FGD6: variants seen among roughly 807,000 people sequenced by gnomAD.
FGD6 encodes FYVE, RhoGEF and PH domain containing 6, also known as FYVE, RhoGEF and PH domain-containing protein 6.
FGD6 carries 90 observed loss-of-function variants against 149.4 expected under a neutral mutation model. The ratio of observed to expected loss-of-function variants is 0.60; its 90% CI spans 0.51 to 0.72. The LOEUF is 0.72. FGD6 is among the 30% of genes least tolerant of loss of function. The probability of loss-of-function intolerance (pLI) is 0.00; values close to 1 mark genes in which losing one functional copy is unlikely to be tolerated. For synonymous variants in FGD6, 527 were observed against 584.0 expected (o/e 0.90, Z 1.41); for missense variants, 1,437 against 1,684.8 (o/e 0.85, Z 2.57).
chr12:95,108,285 C>T (rs913263234), intron 11 of FGD6, 63 bp downstream of exon 11: 2 of 1,392,578 alleles, frequency 1.4e-6, no homozygotes, highest in African/African-American at 2.9e-5. Flanking sequence ...AAATGATAAA[C>T]AGATACAGAT....
At chr12:95,116,604 T>C (rs12828276) in intron 8 of FGD6, among the ~76,000 whole-genome samples, 1 of 152,174 alleles carries the variant, frequency 6.6e-6, no homozygotes, top group Non-Finnish European at 1.5e-5. Flanking sequence ...ATGAACACAG[T>C]TGAAATACAC....
At chr12:95,160,439 G>A (rs1880605345) in intron 3 of FGD6, among the ~76,000 whole-genome samples, 1 of 152,144 alleles carries the variant, frequency 6.6e-6, no homozygotes, top group South Asian at 2.1e-4. Context: ...GGGCATGGTA[G>A]CCCCTACTCA....
chr12:95,150,061 CT>C (rs1880260597), intron 5 of FGD6, among the ~76,000 whole-genome samples: 1 of 147,360 alleles, frequency 6.8e-6, no homozygotes. Flanking sequence ...GAGTTTCGCT[CT>C]TGTTGCCCAG....
Position 95,080,107 on chromosome 12 carries a change from A to G in FGD6, c.*1413T>C, listed in dbSNP as rs1234071185. 1.3e-5 allele frequency: 2 copies of G among 152,038 alleles called. No individual in the cohort carries two copies. Among genetic ancestry groups the G allele is most frequent in the African/African-American group, 2.4e-5 (1 of 41,390 alleles). The allele number at this position is 152,038 out of a possible 1,614,324, so 9.4% of individuals were successfully genotyped here. On this transcript the variant is annotated 3_prime_UTR_variant, in exon 21 of 21. Coordinates refer to ENST00000343958, the MANE Select transcript of FGD6 (RefSeq NM_018351.4). ...GCTAGGACTACAGCCATGTACCACC[A>G]CGACCGGCTAATTCTTGTATTTTTA...
At chr12:95,196,786 C>T (rs913252250) in intron 2 of FGD6, among the ~76,000 whole-genome samples, 3 of 151,730 alleles carry the variant, frequency 2.0e-5, no homozygotes, top group Non-Finnish European at 2.9e-5. Context: ...ACTATAGGTA[C>T]ATGCCACCAT....
chr12:95,211,456 G>C (rs2056727086), intron 1 of FGD6, among the ~76,000 whole-genome samples, 189 bp from the exon 2 acceptor site: 1 of 151,622 alleles, frequency 6.6e-6, no homozygotes, highest in East Asian at 1.9e-4. Context: ...ACATAGCTTT[G>C]GGTCTATTGT....
At chr12:95,106,427 C>T (rs1409228064) in intron 13 of FGD6, among the ~76,000 whole-genome samples, 5 of 126,022 alleles carry the variant, frequency 4.0e-5, no homozygotes, top group South Asian at 3.0e-4. Flanking sequence ...TGCGCCACCA[C>T]GCCTGGCTAA....
intron 17 of FGD6, among the ~76,000 whole-genome samples, chr12:95,091,223 T>C (rs1878043972): frequency 6.6e-6 from 1 of 152,212 alleles, no homozygotes; most frequent in African/African-American, 2.4e-5. Flanking sequence ...CTGCAAATAA[T>C]GAGCAGGGAA....
chr12:95,103,948 AAGG>A (rs1235982516), intron 14 of FGD6, among the ~76,000 whole-genome samples: 3 of 152,240 alleles, frequency 2.0e-5, no homozygotes, highest in Non-Finnish European at 4.4e-5. Context: ...TAATTTTTAG[AAGG>A]AGATTACACC....
At position 95,078,774 on chromosome 12, in the gene FGD6, T is replaced by C. The variant is rs1051860035; in HGVS notation, c.*2746A>G. On this transcript the variant is annotated 3_prime_UTR_variant, in exon 21 of 21. Transcript: ENST00000343958. ...GCCACAGATAAAGGTGGACTGCTAGTTGGGGACACTAACAATGCCAGCCTT... is the reference window on the plus strand; with the variant it reads ...GCCACAGATAAAGGTGGACTGCTAGCTGGGGACACTAACAATGCCAGCCTT... 3.9e-5 allele frequency: 6 copies of C among 152,224 alleles called. No homozygotes were observed. The highest frequency in any genetic ancestry group is 1.9e-4 in the East Asian group (1 of 5,198). 9.4% of individuals were successfully genotyped at this position (152,224 alleles called of 1,614,324 possible).
rs981964535 is a variant in FGD6, at chr12:95,084,784, A to T, written c.4108-138T>A. ...TAATGATAATTCTAACAACTTACTC[A>T]CTTCTCATTTATTCAATAATATTCA... On this transcript the variant is annotated intron_variant, in intron 19 of 20. Transcript: ENST00000343958. The T allele has an allele frequency of 1.5e-5, 10 of 659,168 alleles. No individual in the cohort carries two copies. In the Admixed American group the frequency reaches 4.5e-4, roughly 29 times the overall value. The allele number at this position is 659,168 out of a possible 1,614,324, so 40.8% of individuals were successfully genotyped here.
chr12:95,143,287 T>C (rs1879908555), intron 5 of FGD6, among the ~76,000 whole-genome samples: 1 of 58,452 alleles, frequency 1.7e-5, no homozygotes, highest in Non-Finnish European at 2.8e-5. Flanking sequence ...AGGTTTGTTT[T>C]TTTTTGTTTT....
At chr12:95,194,927 G>A (rs991484323) in intron 2 of FGD6, among the ~76,000 whole-genome samples, 1 of 152,094 alleles carries the variant, frequency 6.6e-6, no homozygotes, top group Non-Finnish European at 1.5e-5. Flanking sequence ...ATTAAAAACA[G>A]TAATAAACCA....
chr12:95,107,691 T>C (rs1878676060), intron 11 of FGD6, 60 bp from the exon 12 acceptor site: 7 of 1,563,406 alleles, frequency 4.5e-6, no homozygotes, highest in Non-Finnish European at 6.1e-6. Context: ...GACAATATAA[T>C]TTCCTTTTCA....
chr12:95,183,570 G>A (rs995756357), intron 2 of FGD6, among the ~76,000 whole-genome samples: 1 of 152,174 alleles, frequency 6.6e-6, no homozygotes, highest in African/African-American at 2.4e-5. Context: ...AACCTCCAAG[G>A]CCAGGAGCGG....
At chr12:95,089,324 T>C (rs532907260) in intron 18 of FGD6, among the ~76,000 whole-genome samples, 9 of 152,354 alleles carry the variant, frequency 5.9e-5, no homozygotes, top group Middle Eastern at 3.4e-3. Flanking sequence ...CCAACTTATC[T>C]TTACTTTCTA....
At chr12:95,141,342 C>T in intron 6 of FGD6, 46 bp downstream of exon 6, 2 of 1,596,272 alleles carry the variant, frequency 1.3e-6, no homozygotes, top group Non-Finnish European at 1.7e-6. Context: ...ATGGCTTCAT[C>T]TAAAATTGGA....
chr12:95,129,539 A>C, intron 8 of FGD6, among the ~76,000 whole-genome samples: 1 of 152,232 alleles, frequency 6.6e-6, no homozygotes. Context: ...GAGAAAGAAG[A>C]AGATAAGTAA....
chr12:95,153,946 T>TGTGA (rs1192369573), intron 3 of FGD6, among the ~76,000 whole-genome samples: 2 of 137,506 alleles, frequency 1.5e-5, no homozygotes, highest in African/African-American at 5.6e-5. Flanking sequence ...TGTGTGTGTG[T>TGTGA]GAGTGAGAGA....
Sources: allele counts gnomAD v4.1 joint callset (sites outside exome capture counted in the v4.1 genomes callset), GRCh38; gene constraint gnomAD v4.1.1; transcripts MANE v1.5; gene names NCBI Gene and HGNC (gene_info 2026-07-23, HGNC 2026-07-21).